The following EXOC7 variants were observed in gnomAD, a reference collection of about 807,000 sequenced individuals.
EXOC7 encodes the protein exocyst complex component Exo70.
In EXOC7, 51 loss-of-function variants were observed where a neutral mutation model predicts 87.6. The ratio of observed to expected loss-of-function variants is 0.58; its 90% CI spans 0.46 to 0.73. EXOC7 has a LOEUF of 0.73. Among genes scored for constraint, EXOC7 ranks in the 30% least tolerant of loss-of-function variants. The pLI, the probability that EXOC7 is intolerant of heterozygous loss-of-function variation, is 0.00. For synonymous variants in EXOC7, 327 were observed against 357.1 expected (o/e 0.92, Z 0.95); for missense variants, 744 against 888.4 (o/e 0.84, Z 2.07).
At chr17:76,090,844 G>T (rs1057421579) in intron 7 of EXOC7, 20 of 524,780 alleles carry the variant, frequency 3.8e-5, no homozygotes, top group Admixed American at 6.7e-5. Context: ...AGCGTGAAAG[G>T]GCTGCCCCAA....
rs139326064 is a variant in EXOC7 at position 76,088,885 on chromosome 17, G to C, written c.1086C>G (p.Ile362Met). 4 of 1,613,564 alleles carry C rather than the reference G, an allele frequency of 2.5e-6. No individual in the cohort carries two copies. The Admixed American group carries it at 5.0e-5, about 20-fold the overall frequency. Residue 362 changes from isoleucine to methionine, a missense_variant, in exon 9 of 19, where the codon ATC (isoleucine) becomes ATG (methionine). By Grantham distance (10) the Ile-to-Met change is conservative (BLOSUM62 1). Transcript: ENST00000589210. Reference protein sequence around the residue: ...LDGLMLEGENIVSAARKAIVR... With the variant: ...LDGLMLEGENMVSAARKAIVR... ...CAATGGCCTTCCGGGCAGCAGACAC[G>C]ATGTTCTCCCCTTCAAGCATCAGCC...
rs2066988536 is a variant in EXOC7, at chr17:76,081,752, C to T, written c.*1896G>A. 1.2e-6 allele frequency: 2 copies of T among 1,613,924 alleles called. No individual in the cohort carries two copies. The highest frequency in any genetic ancestry group is 1.3e-5 in the African/African-American group (1 of 74,912). On this transcript the variant is annotated 3_prime_UTR_variant, in exon 19 of 19. Coordinates refer to ENST00000589210, the MANE Select transcript of EXOC7 (RefSeq NM_001013839.4). The stretch of plus-strand genomic sequence containing the variant: ...CAGCTCCTCCTCCTGCAACCCACTG[C>T]TCAGTAAGCCCTGCTCCCTTACCCA...
In EXOC7 at chr17:76,081,357, G is replaced by C; in HGVS notation, c.*2291C>G. The stretch of plus-strand genomic sequence containing the variant: ...GGGAATACGTAGTTTATGATCTGAA[G>C]ACCCAAGTCCCACCCCAGCAGCTGG... On this transcript the variant is annotated 3_prime_UTR_variant, in exon 19 of 19. Coordinates refer to ENST00000589210, the MANE Select transcript of EXOC7 (RefSeq NM_001013839.4). The C allele has an allele frequency of 6.2e-7, 1 of 1,614,178 alleles. No individual in the cohort carries two copies.
At chr17:76,088,390 C>A in intron 10 of EXOC7, 74 bp downstream of exon 10, 1 of 1,458,446 alleles carries the variant, frequency 6.9e-7, no homozygotes, top group Non-Finnish European at 9.5e-7. Flanking sequence ...GAGGCCTGCT[C>A]TGAGAGTCCC....
rs1055335286 is a variant in EXOC7 at position 76,081,522 on chromosome 17, G to A, written c.*2126C>T. 6.2e-7 allele frequency: 1 copy of A among 1,612,000 alleles called. No homozygotes were observed. The highest frequency in any genetic ancestry group is 1.7e-5 in the Admixed American group (1 of 59,994). ...CCACCTCCTTCCCCCCCGCCGGGAA[G>A]GCCCTGACTTTTCCCCTTCCAGCTG... On this transcript the variant is annotated 3_prime_UTR_variant, in exon 19 of 19. Coordinates refer to ENST00000589210, the MANE Select transcript of EXOC7 (RefSeq NM_001013839.4).
At position 76,086,843 on chromosome 17, in the gene EXOC7, G is replaced by C. The variant is rs374432061; in HGVS notation, c.1430-698C>G. 5.6e-5 allele frequency: 87 copies of C among 1,550,724 alleles called. No homozygotes were observed. In the South Asian group the frequency reaches 9.9e-4, roughly 18 times the overall value. ...AGGGACAGGAGGGGGCTGCAGAACC[G>C]CACTGCTTACCTCGGGGGTCTAAAG... is the stretch of plus-strand genomic sequence containing the variant. On this transcript the variant is annotated intron_variant, in intron 12 of 18. Coordinates refer to ENST00000589210, the MANE Select transcript of EXOC7 (RefSeq NM_001013839.4).
chr17:76,095,823 T>A (rs1489602162), intron 5 of EXOC7, among the ~76,000 whole-genome samples: 2 of 152,100 alleles, frequency 1.3e-5, no homozygotes. Flanking sequence ...AAAAAGCAAT[T>A]CACAAAGGTA....
At position 76,103,699 on chromosome 17, in the gene EXOC7, G is replaced by A; in HGVS notation, c.-7C>T. The A allele has an allele frequency of 6.2e-7, 1 of 1,604,360 alleles. No homozygotes were observed. The highest frequency in any genetic ancestry group is 8.5e-7 in the Non-Finnish European group (1 of 1,175,840). Reference sequence around the variant, plus strand: ...CCTCCTGTGGGGGAATCATCGCTCTGAACCCCGCGGCTCCCACTCCCCAGT... The same window carrying A: ...CCTCCTGTGGGGGAATCATCGCTCTAAACCCCGCGGCTCCCACTCCCCAGT... On this transcript the variant is annotated 5_prime_UTR_variant, in exon 1 of 19. Coordinates refer to ENST00000589210, the MANE Select transcript of EXOC7 (RefSeq NM_001013839.4).
At chr17:76,094,651 T>C (rs2067661403) in intron 5 of EXOC7, 70 bp from the exon 6 acceptor site, 21 of 1,500,410 alleles carry the variant, frequency 1.4e-5, no homozygotes, top group Non-Finnish European at 1.9e-5. Context: ...CCACCATGTC[T>C]ACCTGTCAAA....
Position 76,081,878 on chromosome 17 carries a change from CCA to C in EXOC7, c.*1768_*1769del, listed in dbSNP as rs765160550. 5 of 1,608,672 alleles carry C rather than the reference CCA, an allele frequency of 3.1e-6. No individual in the cohort carries two copies. Among genetic ancestry groups the C allele is most frequent in the Non-Finnish European group, 4.3e-6 (5 of 1,176,330 alleles). ...AGCATCTCCCTGTGCCCTGCCTCCC[CCA>C]GTTTACTACTTCACCATCCTGCTGC... On this transcript the variant is annotated 3_prime_UTR_variant, in exon 19 of 19. Transcript: ENST00000589210.
rs771623955 is a variant in EXOC7 at position 76,082,563 on chromosome 17, C to A, written c.*1085G>T. On this transcript the variant is annotated 3_prime_UTR_variant, in exon 19 of 19. Coordinates refer to ENST00000589210, the MANE Select transcript of EXOC7 (RefSeq NM_001013839.4). ...TGGTTGGGGTGCTGTGCACCCAATT[C>A]GTCTTTGCAGGAATCTGGATGTGGG... 1 of 1,613,784 alleles carries A rather than the reference C, an allele frequency of 6.2e-7. No homozygotes were observed. The highest frequency in any genetic ancestry group is 8.5e-7 in the Non-Finnish European group (1 of 1,179,934).
At chr17:76,100,654 T>A (rs1247870543) in intron 4 of EXOC7, among the ~76,000 whole-genome samples, 1 of 151,388 alleles carries the variant, frequency 6.6e-6, no homozygotes. Context: ...AAAATTTATA[T>A]TATGTATTTT....
At chr17:76,087,527 T>A (rs2067265143) in intron 12 of EXOC7, 127 bp downstream of exon 12, 1 of 913,438 alleles carries the variant, frequency 1.1e-6, no homozygotes, top group Non-Finnish European at 1.7e-6. Context: ...CCAGGGACCC[T>A]CTGCTGAGCA....
At position 76,083,453 on chromosome 17, in the gene EXOC7, C is replaced by T. The variant is rs543689345; in HGVS notation, c.*195G>A. On this transcript the variant is annotated 3_prime_UTR_variant, in exon 19 of 19. Coordinates refer to ENST00000589210, the MANE Select transcript of EXOC7 (RefSeq NM_001013839.4). ...CCAGGCTTCCGGGAGAGTGCTGGTT[C>T]GGCTGGGAACACGGGCTGTGGGGAA... 19 of 596,790 alleles carry T rather than the reference C, an allele frequency of 3.2e-5. No homozygotes were observed. The highest frequency in any genetic ancestry group is 1.4e-4 in the East Asian group (5 of 35,114). 37.0% of individuals were successfully genotyped at this position (596,790 alleles called of 1,614,324 possible).
intron 13 of EXOC7, 57 bp downstream of exon 13, chr17:76,086,023 G>A: frequency 1.3e-6 from 2 of 1,593,912 alleles, no homozygotes; most frequent in East Asian, 4.5e-5. Flanking sequence ...ACAGAAGGAA[G>A]GGAAAGGCAG....
At chr17:76,102,435 C>G (rs916421574) in intron 2 of EXOC7, among the ~76,000 whole-genome samples, 9 of 145,120 alleles carry the variant, frequency 6.2e-5, no homozygotes, top group Non-Finnish European at 1.0e-4. Context: ...CACACACACA[C>G]ACACACACAC....
Position 76,081,574 on chromosome 17 carries a change from C to A in EXOC7, c.*2074G>T. 6.2e-7 allele frequency: 1 copy of A among 1,613,880 alleles called. No homozygotes were observed. Among genetic ancestry groups the A allele is most frequent in the South Asian group, 1.1e-5 (1 of 91,092 alleles). ...GGCTGAAGAACACGGCGCTCAAGTC[C>A]ATCATCGCTCTCTTGGTGCCTGCAG... On this transcript the variant is annotated 3_prime_UTR_variant, in exon 19 of 19. Coordinates refer to ENST00000589210, the MANE Select transcript of EXOC7 (RefSeq NM_001013839.4).
At chr17:76,092,929 T>A (rs1252667552) in intron 6 of EXOC7, 2 of 152,324 alleles carry the variant, frequency 1.3e-5, no homozygotes, top group East Asian at 1.9e-4. Context: ...AGCCCACCAG[T>A]TCCTGACAAC....
Position 76,082,736 on chromosome 17 carries a change from T to A in EXOC7, c.*912A>T. On this transcript the variant is annotated 3_prime_UTR_variant, in exon 19 of 19. Transcript: ENST00000589210. The stretch of plus-strand genomic sequence containing the variant: ...GCGGGCCATGACAGGGCCTCTGGAT[T>A]AAGCCACCCTGAGCTCTCCCTCCGC... The A allele has an allele frequency of 7.3e-7, 1 of 1,370,598 alleles. No individual in the cohort carries two copies. The allele number at this position is 1,370,598 out of a possible 1,614,324, so 84.9% of individuals were successfully genotyped here.
Sources: allele counts gnomAD v4.1 joint callset (sites outside exome capture counted in the v4.1 genomes callset), GRCh38; gene constraint gnomAD v4.1.1; transcripts MANE v1.5; gene names NCBI Gene and HGNC (gene_info 2026-07-23, HGNC 2026-07-21).